Variants in PLCB1 observed in about 807,000 individuals in gnomAD.
The protein encoded by PLCB1 is 1-phosphatidylinositol 4,5-bisphosphate phosphodiesterase beta-1.
In PLCB1, 46 loss-of-function variants were observed where a neutral mutation model predicts 161.8. That is an observed-to-expected ratio of 0.28 (90% CI 0.22 to 0.36). The LOEUF is 0.36. Ranked by LOEUF, PLCB1 falls within the 10% of genes least tolerant of loss-of-function variation. PLCB1 has a pLI of 1.00. For synonymous variants in PLCB1, 517 were observed against 503.7 expected, an observed-to-expected ratio of 1.03 and a Z score of -0.35; for missense variants, 1,016 against 1,472.5, an observed-to-expected ratio of 0.69 and a Z score of 5.07.
chr20:8,581,013 A>G (rs1040109733), intron 3 of PLCB1, among the ~76,000 whole-genome samples: 3 of 152,200 alleles, frequency 2.0e-5, no homozygotes, highest in African/African-American at 7.2e-5. Context: ...GCAGGTTGTG[A>G]TCAAGGAGGA....
chr20:8,714,957 A>G (rs1979221122), intron 12 of PLCB1, among the ~76,000 whole-genome samples: 1 of 144,952 alleles, frequency 6.9e-6, no homozygotes, highest in Non-Finnish European at 1.5e-5. Context: ...AAAAAAAAAA[A>G]GCCCATGATC....
intron 2 of PLCB1, among the ~76,000 whole-genome samples, chr20:8,225,260 TTTTTG>T (rs1346389665): frequency 6.6e-6 from 1 of 152,190 alleles, no homozygotes; most frequent in Non-Finnish European, 1.5e-5. Context: ...CATAAGGGTT[TTTTTG>T]TTTTGTTTTG....
intron 3 of PLCB1, chr20:8,624,033 A>C (rs1988259698): frequency 6.6e-6 from 1 of 152,252 alleles, no homozygotes; most frequent in Non-Finnish European, 1.5e-5. Context: ...ACGTAAATTT[A>C]TACATTTCCT....
intron 31 of PLCB1, among the ~76,000 whole-genome samples, chr20:8,816,113 A>G (rs1275552859): frequency 1.3e-5 from 2 of 150,592 alleles, no homozygotes; most frequent in African/African-American, 5.0e-5. Flanking sequence ...AACAAATGGG[A>G]AGGAACTGAT....
chr20:8,261,303 G>A (rs904115294), intron 2 of PLCB1, among the ~76,000 whole-genome samples: 7 of 152,026 alleles, frequency 4.6e-5, no homozygotes, highest in African/African-American at 9.7e-5. Context: ...CACTTGCCGC[G>A]CTTAGAGAGC....
At chr20:8,250,811 C>T (rs542182259) in intron 2 of PLCB1, among the ~76,000 whole-genome samples, 1 of 151,882 alleles carries the variant, frequency 6.6e-6, no homozygotes, top group African/African-American at 2.4e-5. Context: ...TTATTGAGCT[C>T]CCAACAATAT....
At chr20:8,750,677 A>G (rs531085983) in intron 23 of PLCB1, 2 of 382,556 alleles carry the variant, frequency 5.2e-6, no homozygotes, top group South Asian at 4.2e-5. Flanking sequence ...AGGCAGATAC[A>G]TTATCTAATT....
intron 2 of PLCB1, among the ~76,000 whole-genome samples, chr20:8,153,078 G>A (rs905923404): frequency 1.3e-5 from 2 of 152,068 alleles, no homozygotes; most frequent in Non-Finnish European, 2.9e-5. Context: ...GAAATGATAG[G>A]TGACAAAGAA....
intron 31 of PLCB1, among the ~76,000 whole-genome samples, chr20:8,804,018 C>T (rs888991223): frequency 7.2e-5 from 11 of 152,024 alleles, no homozygotes; most frequent in African/African-American, 2.4e-4. Flanking sequence ...GCCTCTAACT[C>T]CCGACCTCAG....
In PLCB1 at chr20:8,775,991, G is replaced by A. The variant is rs148344246; in HGVS notation, c.3111+1272G>A. Among the ~76,000 whole-genome samples the A allele has an allele frequency of 1.2e-4, 18 of 152,298 alleles. No homozygotes were observed. In the East Asian group the frequency reaches 3.5e-3, roughly 29 times the overall value. On this transcript the variant is annotated intron_variant, in intron 27 of 31. Coordinates refer to ENST00000338037, the MANE Select transcript of PLCB1 (RefSeq NM_015192.4). Reference sequence around the variant, plus strand: ...GCAGGGGTTGGATCAGGCATAGGGAGGGATTGCCTTGACAGACCTGAGCAA... The same window carrying A: ...GCAGGGGTTGGATCAGGCATAGGGAAGGATTGCCTTGACAGACCTGAGCAA...
At chr20:8,879,863 G>T (rs1987909718) in intron 31 of PLCB1, among the ~76,000 whole-genome samples, 1 of 152,120 alleles carries the variant, frequency 6.6e-6, no homozygotes, top group Non-Finnish European at 1.5e-5. Context: ...CCCAGAGGCT[G>T]CCCTGAAAGC....
intron 3 of PLCB1, among the ~76,000 whole-genome samples, chr20:8,422,144 C>T (rs1979563260): frequency 6.6e-6 from 1 of 152,170 alleles, no homozygotes; most frequent in Non-Finnish European, 1.5e-5. Context: ...TTCTAGATTA[C>T]AAATTGCAGA....
chr20:8,479,390 A>G (rs983614162), intron 3 of PLCB1, among the ~76,000 whole-genome samples: 2 of 152,240 alleles, frequency 1.3e-5, no homozygotes, highest in Non-Finnish European at 2.9e-5. Context: ...ATTATAAAAC[A>G]TTAGCTTACA....
intron 3 of PLCB1, among the ~76,000 whole-genome samples, chr20:8,612,251 T>C (rs1987926330): frequency 6.6e-6 from 1 of 152,168 alleles, no homozygotes; most frequent in African/African-American, 2.4e-5. Context: ...AGTATGTTTA[T>C]GGTATTGGTA....
Position 8,431,813 on chromosome 20 carries a change from T to C in PLCB1, c.246+60363T>C, listed in dbSNP as rs79986302. On this transcript the variant is annotated intron_variant, in intron 3 of 31. Transcript: ENST00000338037. The stretch of plus-strand genomic sequence containing the variant: ...TCAAAATATTAGCTAAAATTTAAAA[T>C]TTGAGTTGAAAGGGCTTGAATGCTG... Among the ~76,000 whole-genome samples the C allele has an allele frequency of 4.5e-3, 688 of 152,262 alleles. 8 individuals carry two copies. Among genetic ancestry groups the C allele is most frequent in the African/African-American group, 0.015 (629 of 41,532 alleles).
chr20:8,210,370 A>T (rs1353663174), intron 2 of PLCB1, among the ~76,000 whole-genome samples: 3 of 152,184 alleles, frequency 2.0e-5, no homozygotes, highest in Admixed American at 2.0e-4. Context: ...GCCAAAAAAC[A>T]TCATCAGTGC....
chr20:8,163,489 C>G (rs2051646203), intron 2 of PLCB1, among the ~76,000 whole-genome samples: 1 of 152,208 alleles, frequency 6.6e-6, no homozygotes, highest in African/African-American at 2.4e-5. Flanking sequence ...ACTCTGGTGG[C>G]TTTAATTTCT....
intron 11 of PLCB1, among the ~76,000 whole-genome samples, chr20:8,699,302 A>G (rs1297254990): frequency 2.0e-5 from 3 of 152,220 alleles, no homozygotes; most frequent in East Asian, 1.9e-4. Context: ...GCCATTGAAC[A>G]TGGGAGATCA....
At chr20:8,246,168 T>A (rs1197564335) in intron 2 of PLCB1, among the ~76,000 whole-genome samples, 1 of 151,958 alleles carries the variant, frequency 6.6e-6, no homozygotes, top group Non-Finnish European at 1.5e-5. Flanking sequence ...ATAGCTATTT[T>A]TGTGCAAAAG....
Sources: allele counts gnomAD v4.1 joint callset (sites outside exome capture counted in the v4.1 genomes callset), GRCh38; gene constraint gnomAD v4.1.1; transcripts MANE v1.5; gene names NCBI Gene and HGNC (gene_info 2026-07-23, HGNC 2026-07-21).